The following USP43 variants were observed in gnomAD, a reference collection of about 807,000 sequenced individuals.
USP43 encodes the protein ubiquitin specific peptidase 43.
A neutral mutation model predicts 90.7 loss-of-function variants in USP43; 33 were observed. That is an observed-to-expected ratio of 0.36 (90% confidence interval 0.28 to 0.49). The LOEUF is 0.49. Ranked by LOEUF, USP43 falls within the 20% of genes least tolerant of loss-of-function variation. The probability of loss-of-function intolerance (pLI) is 0.98; values close to 1 mark genes in which losing one functional copy is unlikely to be tolerated. For synonymous variants in USP43, 598 were observed against 615.8 expected, an observed-to-expected ratio of 0.97 and a Z score of 0.43; for missense variants, 1,274 against 1,476.4, an observed-to-expected ratio of 0.86 and a Z score of 2.25.
chr17:9,680,275 C>G lies in USP43; in HGVS notation c.1014C>G (p.Phe338Leu), dbSNP rs1914079600. 6.2e-7 allele frequency: 1 copy of G among 1,613,838 alleles called. No individual in the cohort carries two copies. The highest frequency in any genetic ancestry group is 2.2e-5 in the East Asian group (1 of 44,870). ...ATCCCAGTGGATTCCAGCGGTCTTT[C>G]TTTGATGAAGAGGACCTGAATACCA... ...ELYPSGFQRS[F>L]FDEEDLNTIA... is the part of the protein sequence containing the mutation. Residue 338 changes from phenylalanine to leucine, a missense_variant, in exon 6 of 15, where the codon TTC (phenylalanine) becomes TTG (leucine). Around this residue, in one of 6 missense-constraint regions of USP43, gnomAD observed 259 missense variants for 373.7 expected, o/e 0.69. Transcript: ENST00000285199.
chr17:9,692,890 G>T lies in USP43; in HGVS notation c.1354-237G>T, dbSNP rs148724192. On this transcript the variant is annotated intron_variant, in intron 8 of 14. Transcript: ENST00000285199. Reference sequence around the variant, plus strand: ...TTTAAACACACTGTGTTCATTTTTGGGGGGAAGATGTAACATATTAAACAC... The same window carrying T: ...TTTAAACACACTGTGTTCATTTTTGTGGGGAAGATGTAACATATTAAACAC... Among the ~76,000 whole-genome samples, 457 of 152,164 alleles carry T rather than the reference G, an allele frequency of 3.0e-3. 1 individual carries two copies. The highest frequency in any genetic ancestry group is 6.2e-3 in the Admixed American group (95 of 15,256).
intron 8 of USP43, among the ~76,000 whole-genome samples, chr17:9,690,174 C>T (rs1047876565): frequency 1.3e-5 from 2 of 152,166 alleles, no homozygotes; most frequent in Non-Finnish European, 2.9e-5. Context: ...GCATCTGTTT[C>T]GGGTCATTCT....
At chr17:9,708,662 G>C (rs444677) in intron 12 of USP43, among the ~76,000 whole-genome samples, 151,741 of 152,276 alleles carry the variant, frequency 1, 75,605 homozygotes, top group Middle Eastern at 1. Flanking sequence ...GAGTCTCACT[G>C]TGTTGCCCGG....
chr17:9,701,645 C>T lies in USP43; in HGVS notation c.1956C>T (p.Tyr652=), dbSNP rs367963041. 27 of 1,590,904 alleles carry T rather than the reference C, an allele frequency of 1.7e-5. No homozygotes were observed. Among genetic ancestry groups the T allele is most frequent in the Admixed American group, 8.8e-5 (5 of 56,568 alleles). ...CCAGTTACCCGCTGGACTTCCTGTA[C>T]GACCTGTATGCCGTCTGCAACCACC... is the stretch of plus-strand genomic sequence containing the variant. ...LPTSYPLDFL[Y]DLYAVCNHHG... Residue 652 remains tyrosine (Y), a synonymous_variant, in exon 12 of 15, where the codon TAC becomes TAT. Transcript: ENST00000285199. This position sits in a 1 kb window ranked among gnomAD's most constrained non-coding sequence, Gnocchi z 7.2.
intron 14 of USP43, among the ~76,000 whole-genome samples, chr17:9,726,782 A>G (rs919539280): frequency 4.6e-5 from 7 of 152,210 alleles, no homozygotes; most frequent in Admixed American, 2.6e-4. Flanking sequence ...CCCGTGGGGC[A>G]GACTTCAGAG....
At chr17:9,700,958 G>A (rs1915529440) in intron 10 of USP43, among the ~76,000 whole-genome samples, 161 bp from the exon 11 acceptor site, 1 of 152,198 alleles carries the variant, frequency 6.6e-6, no homozygotes, top group Admixed American at 6.5e-5. Context: ...ATATAGTGCT[G>A]AGTCAGAAGG....
In USP43 at chr17:9,674,614, A is replaced by G. The variant is rs1452430199; in HGVS notation, c.741-277A>G. On this transcript the variant is annotated intron_variant, in intron 3 of 14. Transcript: ENST00000285199. The surrounding 1 kb of genome is among the most constrained non-coding windows in gnomAD (Gnocchi z 4.4). ...ATGGACCAGGGGTTCATTCCTTTCT[A>G]TGGCTGAGTTGTACTCTACTATGTG... Among the ~76,000 whole-genome samples, 2 of 152,084 alleles carry G rather than the reference A, an allele frequency of 1.3e-5. No homozygotes were observed. Among genetic ancestry groups the G allele is most frequent in the Non-Finnish European group, 2.9e-5 (2 of 68,020 alleles).
Position 9,652,638 on chromosome 17 carries a change from G to A in USP43, c.505-3765G>A, listed in dbSNP as rs1597811325. On this transcript the variant is annotated intron_variant, in intron 1 of 14. Coordinates refer to ENST00000285199, the MANE Select transcript of USP43 (RefSeq NM_153210.5). ...GGCTCCCCACAATGCTGGGATTATA[G>A]GTGTGAGCCACCACCCCTGGCCTGT... Among the ~76,000 whole-genome samples, 3 of 152,118 alleles carry A rather than the reference G, an allele frequency of 2.0e-5. No homozygotes were observed. The East Asian group carries it at 5.8e-4, about 29-fold the overall frequency.
chr17:9,707,813 A>T (rs1471967089), intron 12 of USP43, among the ~76,000 whole-genome samples: 1 of 152,170 alleles, frequency 6.6e-6, no homozygotes, highest in Non-Finnish European at 1.5e-5. Context: ...GCACAAATGT[A>T]TATTAAGTAC....
chr17:9,709,605 A>G lies in USP43; in HGVS notation c.2012-351A>G, dbSNP rs1029009162. Among the ~76,000 whole-genome samples the G allele has an allele frequency of 2.6e-5, 4 of 152,038 alleles. No homozygotes were observed. The highest frequency in any genetic ancestry group is 5.9e-5 in the Non-Finnish European group (4 of 68,008). On this transcript the variant is annotated intron_variant, in intron 12 of 14. Transcript: ENST00000285199. The surrounding 1 kb of genome is among the most constrained non-coding windows in gnomAD (Gnocchi z 5.0). ...GTGGCAGGCAACTGTAATCCTAGCT[A>G]CCCAGGAGGCTGAGGCAGGAGAATC... is the stretch of plus-strand genomic sequence containing the variant.
In USP43 at chr17:9,728,180, G is replaced by A. The variant is rs370287981; in HGVS notation, c.2562G>A (p.Thr854=). ...STSQSIVSLL[T]GTAGEDEKSA... is the part of the protein sequence containing the mutation. ...GCCAGTCCATTGTGTCGCTGTTGAC[G>A]GGCACTGCGGGTGAGGATGAGAAGT... The change falls in exon 15 of 15, where the codon ACG becomes ACA. Residue 854 remains threonine (T), a synonymous_variant. Transcript: ENST00000285199. The surrounding 1 kb of genome is among the most constrained non-coding windows in gnomAD (Gnocchi z 6.2). The A allele has an allele frequency of 2.4e-4, 388 of 1,613,928 alleles. 3 individuals are homozygous for A. The African/African-American group carries it at 4.1e-3, about 17-fold the overall frequency.
At chr17:9,654,143 T>G (rs1250229164) in intron 1 of USP43, among the ~76,000 whole-genome samples, 1 of 152,188 alleles carries the variant, frequency 6.6e-6, no homozygotes, top group Non-Finnish European at 1.5e-5. Flanking sequence ...GGTTGCCAGA[T>G]GAAAAATATT....
At chr17:9,706,710 A>T (rs1915903592) in intron 12 of USP43, among the ~76,000 whole-genome samples, 1 of 132,594 alleles carries the variant, frequency 7.5e-6, no homozygotes. Flanking sequence ...ATTGCACGAT[A>T]TCGGCTCACT....
intron 9 of USP43, among the ~76,000 whole-genome samples, chr17:9,698,623 C>A (rs1249242255): frequency 6.6e-6 from 1 of 152,156 alleles, no homozygotes; most frequent in African/African-American, 2.4e-5. Flanking sequence ...GATAATCTCA[C>A]CCTCTAGTGA....
At chr17:9,691,276 G>C (rs1914937749) in intron 8 of USP43, among the ~76,000 whole-genome samples, 1 of 149,698 alleles carries the variant, frequency 6.7e-6, no homozygotes, top group South Asian at 2.1e-4. Context: ...CACCACACCT[G>C]GCTATTTTTT....
At chr17:9,693,080 C>A in intron 8 of USP43, 47 bp from the exon 9 acceptor site, 1 of 1,453,618 alleles carries the variant, frequency 6.9e-7, no homozygotes, top group South Asian at 1.2e-5. Flanking sequence ...TAATTTAAAT[C>A]AATATAGGGG....
intron 2 of USP43, 132 bp from the exon 3 acceptor site, chr17:9,666,516 A>G: frequency 1.5e-6 from 1 of 682,738 alleles, no homozygotes; most frequent in Non-Finnish European, 2.5e-6. Flanking sequence ...GGCAGCACTG[A>G]AGGTTGAGAC....
intron 14 of USP43, among the ~76,000 whole-genome samples, chr17:9,723,677 A>G (rs57185494): frequency 0.041 from 6,039 of 147,246 alleles, 228 homozygotes; most frequent in East Asian, 0.22. Context: ...TCCCCTTCCC[A>G]GGTTCAAGTG....
chr17:9,718,665 ACTCCAT>A (rs1916749256), intron 14 of USP43, among the ~76,000 whole-genome samples: 1 of 151,744 alleles, frequency 6.6e-6, no homozygotes, highest in Non-Finnish European at 1.5e-5. Context: ...ACATAGAGAA[ACTCCAT>A]CTCTACTAAA....
Sources: allele counts gnomAD v4.1 joint callset (sites outside exome capture counted in the v4.1 genomes callset), GRCh38; gene constraint gnomAD v4.1.1; regional missense constraint gnomAD v4.1.1; non-coding constraint Gnocchi (gnomAD v3.1); transcripts MANE v1.5; gene names NCBI Gene and HGNC (gene_info 2026-07-23, HGNC 2026-07-21).